FBN2: variants seen among roughly 807,000 people sequenced by gnomAD.
FBN2 encodes the protein fibrillin 2, also known as fibrillin-2.
A neutral mutation model predicts 355.6 loss-of-function variants in FBN2; 105 were observed. That is an observed-to-expected ratio of 0.30 (90% CI 0.25 to 0.35). The LOEUF is 0.35. Ranked by LOEUF, FBN2 falls within the 10% of genes least tolerant of loss-of-function variation. The pLI is 1.00. For synonymous variants in FBN2, 1,350 were observed against 1,301.2 expected (o/e 1.04, Z -0.81); for missense variants, 3,280 against 3,758.7 (o/e 0.87, Z 3.33).
chr5:128,262,732 T>C (rs989449249), intron 63 of FBN2, among the ~76,000 whole-genome samples: 4 of 152,206 alleles, frequency 2.6e-5, no homozygotes, highest in Admixed American at 6.5e-5. Flanking sequence ...TGCCTTTTAG[T>C]CCCTGCCTTG....
intron 7 of FBN2, among the ~76,000 whole-genome samples, chr5:128,421,772 C>T (rs1753355388): frequency 6.6e-6 from 1 of 152,170 alleles, no homozygotes; most frequent in Admixed American, 6.5e-5. Flanking sequence ...TACTGAAAAG[C>T]TATTACGTTT....
chr5:128,293,915 C>T (rs1006183492), intron 48 of FBN2, among the ~76,000 whole-genome samples: 1 of 151,796 alleles, frequency 6.6e-6, no homozygotes, highest in Non-Finnish European at 1.5e-5. Context: ...TATACATGTG[C>T]CATGCTGGTG....
chr5:128,324,708 C>T (rs549900385), intron 34 of FBN2, among the ~76,000 whole-genome samples: 5 of 151,644 alleles, frequency 3.3e-5, no homozygotes, highest in East Asian at 3.9e-4. Context: ...AGCTCTGCCT[C>T]CCGGGTTCAC....
chr5:128,276,197 A>T (rs1270286855), intron 58 of FBN2, 37 bp from the exon 59 acceptor site: 1 of 1,606,470 alleles, frequency 6.2e-7, no homozygotes. Context: ...ATTACTGGTT[A>T]AAAGAAACAA....
At chr5:128,284,244 G>A (rs1183364480) in intron 55 of FBN2, among the ~76,000 whole-genome samples, 1 of 152,116 alleles carries the variant, frequency 6.6e-6, no homozygotes, top group Non-Finnish European at 1.5e-5. Flanking sequence ...CTATGAAAGT[G>A]TGCTCAAAAT....
intron 2 of FBN2, among the ~76,000 whole-genome samples, chr5:128,535,825 A>G (rs1404138347): frequency 6.6e-6 from 1 of 152,024 alleles, no homozygotes; most frequent in Non-Finnish European, 1.5e-5. Flanking sequence ...AGCAAAAAAA[A>G]AAAAAAACTC....
chr5:128,498,430 A>C lies in FBN2; in HGVS notation c.628+20843T>G, dbSNP rs571843917. On this transcript the variant is annotated intron_variant, in intron 5 of 64. Coordinates refer to ENST00000262464, the MANE Select transcript of FBN2 (RefSeq NM_001999.4). ...GCTCAGCTGTTCTTTGATCTTGTCTAGTTCAGCTCTAGGTTTTTATCCTCA... is the reference window on the plus strand; with the variant it reads ...GCTCAGCTGTTCTTTGATCTTGTCTCGTTCAGCTCTAGGTTTTTATCCTCA... Among the ~76,000 whole-genome samples, 7 of 152,076 alleles carry C rather than the reference A, an allele frequency of 4.6e-5. No individual in the cohort carries two copies. In the South Asian group the frequency reaches 1.0e-3, roughly 23 times the overall value.
intron 34 of FBN2, among the ~76,000 whole-genome samples, chr5:128,326,177 A>G (rs1454901733): frequency 6.6e-6 from 1 of 152,184 alleles, no homozygotes; most frequent in Non-Finnish European, 1.5e-5. Context: ...CTACTTTAGT[A>G]CAGTTTAAAT....
chr5:128,312,722 G>A lies in FBN2; in HGVS notation c.4791C>T (p.Ile1597=), dbSNP rs147040906. 5.9e-4 allele frequency: 952 copies of A among 1,613,902 alleles called. No individual in the cohort carries two copies. The highest frequency in any genetic ancestry group is 3.6e-3 in the African/African-American group (268 of 74,996). The change falls in exon 37 of 65, where the codon ATC becomes ATT. Residue 1597 remains isoleucine, a synonymous_variant. Coordinates refer to ENST00000262464, the MANE Select transcript of FBN2 (RefSeq NM_001999.4). ...ATGAAGAGCGACTGACGCCCACCCC[G>A]ATCTCGGTGTTGCAAGACAGACTCC... is the stretch of plus-strand genomic sequence containing the variant. ...GDGSLSCNTE[I]GVGVSRSSCC... is the part of the protein sequence containing the mutation.
intron 8 of FBN2, among the ~76,000 whole-genome samples, chr5:128,399,627 A>T (rs939511442): frequency 6.6e-6 from 1 of 152,194 alleles, no homozygotes; most frequent in Non-Finnish European, 1.5e-5. Context: ...ATTAAACAAT[A>T]ATGATTAAGT....
Position 128,456,801 on chromosome 5 carries a change from C to G in FBN2, c.826+7923G>C, listed in dbSNP as rs141672581. ...CCCCATAAAAACCCCATCCAAGGGT[C>G]AGCAGCTGCAAAGACAGAAACTAGA... On this transcript the variant is annotated intron_variant, in intron 6 of 64. Coordinates refer to ENST00000262464, the MANE Select transcript of FBN2 (RefSeq NM_001999.4). Among the ~76,000 whole-genome samples the G allele has an allele frequency of 3.0e-4, 46 of 152,208 alleles. No individual in the cohort carries two copies. The East Asian group carries it at 7.3e-3, about 24-fold the overall frequency.
At chr5:128,475,909 A>G (rs1248948072) in intron 5 of FBN2, among the ~76,000 whole-genome samples, 1 of 152,220 alleles carries the variant, frequency 6.6e-6, no homozygotes, top group Non-Finnish European at 1.5e-5. Flanking sequence ...AAACTTAATA[A>G]TAGCCTGAAA....
chr5:128,412,074 T>C (rs148208148), intron 7 of FBN2, among the ~76,000 whole-genome samples: 3 of 152,222 alleles, frequency 2.0e-5, no homozygotes, highest in African/African-American at 4.8e-5. Flanking sequence ...GCACACTGAA[T>C]ATACTGCCAC....
chr5:128,362,659 C>T (rs1202012054), intron 18 of FBN2, among the ~76,000 whole-genome samples: 1 of 152,156 alleles, frequency 6.6e-6, no homozygotes, highest in Non-Finnish European at 1.5e-5. Flanking sequence ...GAGATGGGAT[C>T]TCACTATGTT....
chr5:128,312,039 C>G (rs909063790), intron 37 of FBN2, 86 bp from the exon 38 acceptor site: 2 of 873,308 alleles, frequency 2.3e-6, no homozygotes, highest in African/African-American at 3.3e-5. Context: ...ATGACAGGCT[C>G]AATATACTCA....
At position 128,374,653 on chromosome 5, in the gene FBN2, C is replaced by T. The variant is rs1752033895; in HGVS notation, c.2070G>A (p.Val690=). The T allele has an allele frequency of 6.2e-7, 1 of 1,613,990 alleles. No homozygotes were observed. Residue 690 remains valine, a synonymous_variant, in exon 15 of 65, where the codon GTG becomes GTA. Transcript: ENST00000262464. The stretch of plus-strand genomic sequence containing the variant: ...CAACACACACACGTCCATCCATGCC[C>T]ACAGCCAGGCCTGGGGGACAGTCAC... The part of the protein sequence containing the change: ...FRCDCPPGLA[V]GMDGRVCVDT...
chr5:128,372,376 C>T lies in FBN2; in HGVS notation c.2095+2252G>A, dbSNP rs554694834. Among the ~76,000 whole-genome samples the T allele has an allele frequency of 1.0e-3, 152 of 151,946 alleles. 2 individuals carry two copies. The highest frequency in any genetic ancestry group is 3.4e-4 in the Non-Finnish European group (23 of 67,950). ...AAAATCATAGCTTAATTACCTGAGA[C>T]TAAAACAAAAAACAAAAACACATCT... On this transcript the variant is annotated intron_variant, in intron 15 of 64. Coordinates refer to ENST00000262464, the MANE Select transcript of FBN2 (RefSeq NM_001999.4).
intron 13 of FBN2, among the ~76,000 whole-genome samples, chr5:128,377,115 G>T (rs1426765640): frequency 1.3e-5 from 2 of 152,122 alleles, no homozygotes; most frequent in Non-Finnish European, 2.9e-5. Flanking sequence ...CATGAGTAGT[G>T]TTACTTTGTG....
intron 25 of FBN2, among the ~76,000 whole-genome samples, chr5:128,342,879 C>A (rs1751064389): frequency 6.6e-6 from 1 of 152,064 alleles, no homozygotes; most frequent in Non-Finnish European, 1.5e-5. Context: ...CAGGCATGTA[C>A]CACCATGCCC....
Sources: gnomAD v4.1 joint callset for allele counts (sites outside exome capture counted in the v4.1 genomes callset) on GRCh38, gnomAD v4.1.1 for gene constraint, MANE v1.5 for transcripts, NCBI Gene and HGNC (gene_info 2026-07-23, HGNC 2026-07-21) for gene names.